Variants in CLIC5 observed in about 807,000 individuals in gnomAD.
The protein encoded by CLIC5 is chloride intracellular channel protein 5.
Under a neutral mutation model 24.7 loss-of-function variants are expected in CLIC5, and 20 were observed. That is an observed-to-expected ratio of 0.81 (90% confidence interval 0.57 to 1.18). CLIC5 has a LOEUF of 1.18. Ranked by LOEUF, CLIC5 falls within the 50% of genes most tolerant of loss-of-function variation. The probability of loss-of-function intolerance (pLI) is 0.00; values close to 1 mark genes in which losing one functional copy is unlikely to be tolerated. For missense variants in CLIC5, 341 were observed against 326.1 expected (o/e 1.05, Z -0.35); for synonymous variants, 159 against 135.6 (o/e 1.17, Z -1.20).
At chr6:46,025,465 C>T (rs1767304507) in intron 1 of CLIC5, among the ~76,000 whole-genome samples, 1 of 152,138 alleles carries the variant, frequency 6.6e-6, no homozygotes, top group Non-Finnish European at 1.5e-5. Context: ...AGCGCTAGAG[C>T]TGGGGATTTG....
chr6:45,917,886 A>G (rs934350320), intron 4 of CLIC5, among the ~76,000 whole-genome samples: 1 of 152,248 alleles, frequency 6.6e-6, no homozygotes, highest in Admixed American at 6.5e-5. Flanking sequence ...TTTGTGTTTA[A>G]TTCCTCGTAA....
chr6:46,015,996 G>GC (rs896155139), upstream of CLIC5: 9 of 705,240 alleles, frequency 1.3e-5, no homozygotes, highest in African/African-American at 1.5e-4. Flanking sequence ...ACCCCGCAGG[G>GC]CAGGAGGCGG....
intron 2 of CLIC5, 84 bp from the exon 3 acceptor site, chr6:45,949,465 T>G (rs1040552545): frequency 1.4e-6 from 2 of 1,446,140 alleles, no homozygotes; most frequent in Non-Finnish European, 1.9e-6. Context: ...GTAACTTAGA[T>G]GCCCTGTGCT....
intron 6 of CLIC5, among the ~76,000 whole-genome samples, chr6:45,890,400 A>G (rs1456199848): frequency 6.6e-6 from 1 of 152,238 alleles, no homozygotes; most frequent in Non-Finnish European, 1.5e-5. Context: ...GGCTATTAAC[A>G]AAAAGATGAA....
At chr6:46,077,722 T>C (rs1762809451) in intron 1 of CLIC5, among the ~76,000 whole-genome samples, 1 of 152,146 alleles carries the variant, frequency 6.6e-6, no homozygotes, top group Non-Finnish European at 1.5e-5. Flanking sequence ...TCTATGGCCT[T>C]TCAGTTCACA....
At chr6:45,891,244 AC>A (rs1277960170) in intron 6 of CLIC5, among the ~76,000 whole-genome samples, 1 of 152,230 alleles carries the variant, frequency 6.6e-6, no homozygotes, top group African/African-American at 2.4e-5. Flanking sequence ...AAAAGAAATT[AC>A]CAAAAAGAAC....
chr6:46,100,105 G>T, the CLIC5 span, among the ~76,000 whole-genome samples: 1 of 152,086 alleles, frequency 6.6e-6, no homozygotes, highest in Non-Finnish European at 1.5e-5. Flanking sequence ...AAGATGCCAG[G>T]CAGAACTAGG....
chr6:45,926,397 GCCACCA>G (rs1191760135), intron 4 of CLIC5, among the ~76,000 whole-genome samples: 1 of 150,876 alleles, frequency 6.6e-6, no homozygotes, highest in Non-Finnish European at 1.5e-5. Context: ...ACAGGCACCC[GCCACCA>G]CACCCGGCTA....
Position 45,981,360 on chromosome 6 carries a change from G to C in CLIC5, c.64-26116C>G, listed in dbSNP as rs1396287650. Among the ~76,000 whole-genome samples, 3 of 151,728 alleles carry C rather than the reference G, an allele frequency of 2.0e-5. No homozygotes were observed. The East Asian group carries it at 5.8e-4, about 29-fold the overall frequency. On this transcript the variant is annotated intron_variant, in intron 1 of 5. Coordinates refer to ENST00000339561, the MANE Select transcript of CLIC5 (RefSeq NM_016929.5). ...AATTTCTGAAATTTTGAAACATCCT[G>C]AACTTTTTACAAACTAAATAAGGAG...
chr6:46,048,336 TG>T (rs1172785845), intron 1 of CLIC5, among the ~76,000 whole-genome samples: 1 of 152,202 alleles, frequency 6.6e-6, no homozygotes, highest in Admixed American at 6.5e-5. Flanking sequence ...ATTTCATTTT[TG>T]TTTCTGAAGG....
intron 5 of CLIC5, among the ~76,000 whole-genome samples, chr6:45,905,038 G>A (rs1017872442): frequency 6.6e-6 from 1 of 152,030 alleles, no homozygotes; most frequent in African/African-American, 2.4e-5. Context: ...CATCCATGTT[G>A]CTAAAAAGGA....
At chr6:46,125,864 T>C in the CLIC5 span, among the ~76,000 whole-genome samples, 3 of 152,144 alleles carry the variant, frequency 2.0e-5, no homozygotes, top group Non-Finnish European at 4.4e-5. Context: ...TATTTAGCAA[T>C]TGTTGCTGAA....
At chr6:46,123,016 G>C in the CLIC5 span, 1 of 152,234 alleles carries the variant, frequency 6.6e-6, no homozygotes, top group South Asian at 2.1e-4. Flanking sequence ...GGAGTAGCTG[G>C]TACCATTCCT....
chr6:46,106,603 C>G, the CLIC5 span, among the ~76,000 whole-genome samples: 1 of 152,122 alleles, frequency 6.6e-6, no homozygotes, highest in Non-Finnish European at 1.5e-5. Flanking sequence ...AGATTGGTCT[C>G]CAAAATATGA....
chr6:46,044,163 G>A (rs1306604097), intron 1 of CLIC5, among the ~76,000 whole-genome samples: 3 of 152,196 alleles, frequency 2.0e-5, no homozygotes, highest in Non-Finnish European at 4.4e-5. Flanking sequence ...ATGCTTCAAA[G>A]GTTCTTTCCT....
chr6:46,001,587 CAG>C (rs1461645932), intron 1 of CLIC5, among the ~76,000 whole-genome samples: 3 of 152,176 alleles, frequency 2.0e-5, no homozygotes, highest in African/African-American at 7.2e-5. Context: ...TGCCAGGTCC[CAG>C]CTGGCTTCCC....
In CLIC5 at chr6:46,061,133, T is replaced by C. The variant is rs560644309; in HGVS notation, c.540+18570A>G. Among the ~76,000 whole-genome samples the C allele has an allele frequency of 3.9e-5, 6 of 152,322 alleles. No individual in the cohort carries two copies. In the South Asian group the frequency reaches 1.2e-3, roughly 32 times the overall value. ...ATTATGGAATAAGAACTCACCACACTCACAAGAGAATTGCTTAACCATCAC... is the reference window on the plus strand; with the variant it reads ...ATTATGGAATAAGAACTCACCACACCCACAAGAGAATTGCTTAACCATCAC... On this transcript the variant is annotated intron_variant, in intron 1 of 5. Transcript: ENST00000185206.
intron 1 of CLIC5, among the ~76,000 whole-genome samples, chr6:45,973,092 T>C (rs750546391): frequency 2.6e-5 from 4 of 152,220 alleles, no homozygotes; most frequent in East Asian, 1.9e-4. Context: ...TGAAATTCCA[T>C]GACTTGGCTT....
intron 1 of CLIC5, among the ~76,000 whole-genome samples, chr6:45,984,635 G>T (rs1382599588): frequency 6.6e-6 from 1 of 152,170 alleles, no homozygotes; most frequent in Non-Finnish European, 1.5e-5. Context: ...CCTGGTCACT[G>T]CAGGGCAAGG....
Sources: gnomAD v4.1 joint callset for allele counts (sites outside exome capture counted in the v4.1 genomes callset) on GRCh38, gnomAD v4.1.1 for gene constraint, MANE v1.5 for transcripts, NCBI Gene and HGNC (gene_info 2026-07-23, HGNC 2026-07-21) for gene names.